The following NR2E1 variants were observed in gnomAD, a reference collection of about 807,000 sequenced individuals.
The protein encoded by NR2E1 is nuclear receptor TLX.
Under a neutral mutation model 43.6 loss-of-function variants are expected in NR2E1, and 5 were observed. The observed-to-expected ratio is 0.11, with a 90% CI of 0.06 to 0.24. The LOEUF (loss-of-function observed/expected upper bound fraction) is 0.24. Ranked by LOEUF, NR2E1 falls within the 10% of genes least tolerant of loss-of-function variation. The pLI is 1.00. For synonymous variants in NR2E1, 191 were observed against 195.5 expected (o/e 0.98, Z 0.19); for missense variants, 287 against 496.7 (o/e 0.58, Z 4.01).
At chr6:108,185,435 G>T (rs551007915) in intron 8 of NR2E1, among the ~76,000 whole-genome samples, 1 of 139,166 alleles carries the variant, frequency 7.2e-6, no homozygotes, top group African/African-American at 2.9e-5. Flanking sequence ...CACACACATT[G>T]TTTTTGTTTT....
chr6:108,166,832 C>T lies in NR2E1; in HGVS notation c.25+42C>T. The T allele has an allele frequency of 6.4e-7, 1 of 1,574,132 alleles. No individual in the cohort carries two copies. The highest frequency in any genetic ancestry group is 1.2e-5 in the South Asian group (1 of 86,230). On this transcript the variant is annotated intron_variant, in intron 1 of 8. Coordinates refer to ENST00000368986, the MANE Select transcript of NR2E1 (RefSeq NM_003269.5). This position sits in a 1 kb window ranked among gnomAD's most constrained non-coding sequence, Gnocchi z 7.2. ...CCGCCGTGGGGCCTAGGCGCGCAGC[C>T]TGGGGCGAGCGAGCGGGGAGGCTGG...
rs1005288450 is a variant in NR2E1, at chr6:108,169,661, C to T, written c.26-1797C>T. 6.6e-6 allele frequency among the ~76,000 whole-genome samples: 1 copy of T among 152,050 alleles called. No homozygotes were observed. The highest frequency in any genetic ancestry group is 2.4e-5 in the African/African-American group (1 of 41,406). On this transcript the variant is annotated intron_variant, in intron 1 of 8. Coordinates refer to ENST00000368986, the MANE Select transcript of NR2E1 (RefSeq NM_003269.5). This position sits in a 1 kb window ranked among gnomAD's most constrained non-coding sequence, Gnocchi z 6.1. ...GCTCCAGACCCGGTTCCTGAGCGAC[C>T]AGGAACTCCCTTGGGCGCAGTGACA...
In NR2E1 at chr6:108,180,417, C is replaced by G; in HGVS notation, c.737C>G (p.Ser246Cys). The change falls in exon 6 of 9, where the codon TCT becomes TGT. Residue 246 changes from serine to cysteine, a missense_variant and splice_region_variant. Ser to Cys is a moderately radical substitution (Grantham distance 112). Around this residue, in one of 4 missense-constraint regions of NR2E1, gnomAD observed 119 missense variants for 187.0 expected, o/e 0.64. Transcript: ENST00000368986. This position sits in a 1 kb window ranked among gnomAD's most constrained non-coding sequence, Gnocchi z 5.4. Reference protein sequence around the residue: ...PVDANTLLAVSGMNGDNTDSQ... With the variant: ...PVDANTLLAVCGMNGDNTDSQ... ...GATGCTAACACTCTACTGGCTGTAT[C>G]TGGTAAGAATTGCACAATTTAATGA... The G allele has an allele frequency of 6.3e-7, 1 of 1,597,580 alleles. No individual in the cohort carries two copies. The highest frequency in any genetic ancestry group is 8.6e-7 in the Non-Finnish European group (1 of 1,165,106).
chr6:108,176,982 C>A (rs1773910114), intron 4 of NR2E1, among the ~76,000 whole-genome samples: 1 of 152,204 alleles, frequency 6.6e-6, no homozygotes, highest in Non-Finnish European at 1.5e-5. Context: ...GATCTTATCC[C>A]CCCAGAAATT....
chr6:108,183,182 C>T (rs1774019639), intron 8 of NR2E1, among the ~76,000 whole-genome samples: 1 of 152,050 alleles, frequency 6.6e-6, no homozygotes, highest in African/African-American at 2.4e-5. Flanking sequence ...TCCTCCTGGC[C>T]CAGCACTGGG....
At chr6:108,176,354 C>T in intron 3 of NR2E1, 149 bp from the exon 4 acceptor site, 3 of 676,826 alleles carry the variant, frequency 4.4e-6, no homozygotes, top group Non-Finnish European at 7.7e-6. Flanking sequence ...CCCTTCCTCC[C>T]TCAGATTCCC....
Position 108,169,173 on chromosome 6 carries a change from G to T in NR2E1, c.26-2285G>T, listed in dbSNP as rs1326248265. Among the ~76,000 whole-genome samples the T allele has an allele frequency of 6.6e-6, 1 of 152,160 alleles. No individual in the cohort carries two copies. The highest frequency in any genetic ancestry group is 1.5e-5 in the Non-Finnish European group (1 of 68,016). ...GGAGTCTGAGGCACAGGCCCGCTAT[G>T]CCCCGGAATTTTCGCGTCCCTCCCT... is the stretch of plus-strand genomic sequence containing the variant. On this transcript the variant is annotated intron_variant, in intron 1 of 8. Coordinates refer to ENST00000368986, the MANE Select transcript of NR2E1 (RefSeq NM_003269.5). The surrounding 1 kb of genome is among the most constrained non-coding windows in gnomAD (Gnocchi z 6.1).
chr6:108,176,222 AAGG>A (rs910527600), intron 3 of NR2E1: 2 of 531,040 alleles, frequency 3.8e-6, no homozygotes, highest in East Asian at 3.2e-5. Context: ...CCCTGGACCG[AAGG>A]AGAACACACC....
chr6:108,166,833 T>A lies in NR2E1; in HGVS notation c.25+43T>A. 1.9e-6 allele frequency: 3 copies of A among 1,574,010 alleles called. No homozygotes were observed. The highest frequency in any genetic ancestry group is 2.6e-6 in the Non-Finnish European group (3 of 1,162,716). ...CGCCGTGGGGCCTAGGCGCGCAGCC[T>A]GGGGCGAGCGAGCGGGGAGGCTGGG... On this transcript the variant is annotated intron_variant, in intron 1 of 8. Transcript: ENST00000368986. This position sits in a 1 kb window ranked among gnomAD's most constrained non-coding sequence, Gnocchi z 7.2.
chr6:108,181,627 C>T lies in NR2E1; in HGVS notation c.971C>T (p.Thr324Met), dbSNP rs966750472. ...IAALQDEAQLTLNSYIHTRYP... is the reference protein window; with the variant it reads ...IAALQDEAQLMLNSYIHTRYP... ...GCCCTTCAAGATGAGGCTCAGCTAACGCTCAACAGCTACATCCATACCAGG... is the reference window on the plus strand; with the variant it reads ...GCCCTTCAAGATGAGGCTCAGCTAATGCTCAACAGCTACATCCATACCAGG... The change falls in exon 8 of 9, where the codon ACG (threonine) becomes ATG (methionine). Residue 324 changes from threonine to methionine, a missense_variant. Transcript: ENST00000368986. 48 of 1,614,042 alleles carry T rather than the reference C, an allele frequency of 3.0e-5. No homozygotes were observed. Among genetic ancestry groups the T allele is most frequent in the Non-Finnish European group, 3.7e-5 (44 of 1,179,964 alleles).
In NR2E1 at chr6:108,180,774, T is replaced by C; in HGVS notation, c.740-33T>C. On this transcript the variant is annotated intron_variant, in intron 6 of 8. Transcript: ENST00000368986. This position sits in a 1 kb window ranked among gnomAD's most constrained non-coding sequence, Gnocchi z 5.4. The stretch of plus-strand genomic sequence containing the variant: ...ATATTAAATCATGAAAATGCCTTCA[T>C]ATTAGAGTATTTATCCCATATTTTT... 1 of 1,605,564 alleles carries C rather than the reference T, an allele frequency of 6.2e-7. No homozygotes were observed. Among genetic ancestry groups the C allele is most frequent in the Non-Finnish European group, 8.5e-7 (1 of 1,172,260 alleles).
intron 8 of NR2E1, among the ~76,000 whole-genome samples, chr6:108,185,072 C>A (rs775339434): frequency 2.6e-5 from 4 of 152,132 alleles, no homozygotes; most frequent in Non-Finnish European, 5.9e-5. Flanking sequence ...TTTCCTCCAG[C>A]ACTTTCCTGT....
intron 8 of NR2E1, among the ~76,000 whole-genome samples, chr6:108,184,576 T>C (rs1269053620): frequency 6.6e-6 from 1 of 152,034 alleles, no homozygotes; most frequent in Non-Finnish European, 1.5e-5. Context: ...AACATGTGAA[T>C]TGGTCCTTCA....
At chr6:108,175,020 C>T (rs1210162252) in intron 3 of NR2E1, 97 bp downstream of exon 3, 1 of 1,145,018 alleles carries the variant, frequency 8.7e-7, no homozygotes, top group Non-Finnish European at 1.3e-6. Context: ...AAATCAACCC[C>T]GGAGCGCTTC....
chr6:108,184,053 G>A (rs572827826), intron 8 of NR2E1, among the ~76,000 whole-genome samples: 4 of 152,124 alleles, frequency 2.6e-5, no homozygotes, highest in Non-Finnish European at 4.4e-5. Context: ...TTAGCTGGGC[G>A]TCATGACGTG....
At chr6:108,176,786 A>T (rs1440351389) in intron 4 of NR2E1, 48 bp downstream of exon 4, 1 of 1,500,258 alleles carries the variant, frequency 6.7e-7, no homozygotes, top group Non-Finnish European at 8.9e-7. Context: ...GCGAATGGAG[A>T]GGGACGCACC....
chr6:108,175,129 C>A (rs1056308276), intron 3 of NR2E1, among the ~76,000 whole-genome samples: 1 of 152,178 alleles, frequency 6.6e-6, no homozygotes, highest in Admixed American at 6.5e-5. Flanking sequence ...AGGGCAAGAC[C>A]CATGCCCACA....
chr6:108,173,121 C>T (rs1333116294), intron 2 of NR2E1, among the ~76,000 whole-genome samples: 1 of 152,206 alleles, frequency 6.6e-6, no homozygotes, highest in Non-Finnish European at 1.5e-5. Flanking sequence ...TGATAATAGA[C>T]TCATCAGGCC....
In NR2E1 at chr6:108,187,293, C is replaced by T; in HGVS notation, c.996-8C>T. The T allele has an allele frequency of 6.2e-7, 1 of 1,614,224 alleles. No individual in the cohort carries two copies. The highest frequency in any genetic ancestry group is 8.5e-7 in the Non-Finnish European group (1 of 1,180,028). On this transcript the variant is annotated splice_polypyrimidine_tract_variant and splice_region_variant and intron_variant, in intron 8 of 8. Coordinates refer to ENST00000368986, the MANE Select transcript of NR2E1 (RefSeq NM_003269.5). ...CTGACCTTGTTTTCATGGCTTCTCA[C>T]ATTCCAGATATCCCACTCAACCCTG...
Sources: gnomAD v4.1 joint callset for allele counts (sites outside exome capture counted in the v4.1 genomes callset) on GRCh38, gnomAD v4.1.1 for gene constraint, gnomAD v4.1.1 regional missense constraint, Gnocchi (gnomAD v3.1) non-coding constraint, MANE v1.5 for transcripts, NCBI Gene and HGNC (gene_info 2026-07-23, HGNC 2026-07-21) for gene names.